The following MACROD2 variants were observed in gnomAD, a reference collection of about 807,000 sequenced individuals.
The protein encoded by MACROD2 is ADP-ribose glycohydrolase MACROD2.
Under a neutral mutation model 70.4 loss-of-function variants are expected in MACROD2, and 36 were observed. The observed-to-expected ratio is 0.51, with a 90% CI of 0.39 to 0.68. The LOEUF (loss-of-function observed/expected upper bound fraction) is 0.68. Ranked by LOEUF, MACROD2 falls within the 30% of genes least tolerant of loss-of-function variation. The probability of loss-of-function intolerance (pLI) is 0.00; values close to 1 mark genes in which losing one functional copy is unlikely to be tolerated. For missense variants in MACROD2, 496 were observed against 538.4 expected, an observed-to-expected ratio of 0.92 and a Z score of 0.78; for synonymous variants, 172 against 178.8, an observed-to-expected ratio of 0.96 and a Z score of 0.30.
intron 6 of MACROD2, among the ~76,000 whole-genome samples, chr20:15,364,531 T>C (rs1009326572): frequency 2.0e-5 from 3 of 152,204 alleles, no homozygotes; most frequent in African/African-American, 7.2e-5. Context: ...TCTTATTGAC[T>C]ATCTTTCCAT....
intron 5 of MACROD2, chr20:14,905,079 C>T (rs1600800010): frequency 6.6e-6 from 1 of 152,032 alleles, no homozygotes; most frequent in Non-Finnish European, 1.5e-5. Context: ...GAGTTTGCCA[C>T]CTGATTATGA....
intron 12 of MACROD2, among the ~76,000 whole-genome samples, chr20:15,953,794 T>C (rs2065939744): frequency 6.6e-6 from 1 of 152,166 alleles, no homozygotes; most frequent in East Asian, 1.9e-4. Flanking sequence ...TTTCATTATT[T>C]ACATCCTTAT....
At chr20:14,283,417 G>A (rs968431631) in intron 3 of MACROD2, among the ~76,000 whole-genome samples, 1 of 151,924 alleles carries the variant, frequency 6.6e-6, no homozygotes, top group Non-Finnish European at 1.5e-5. Context: ...GGAATATTAA[G>A]TGTCCACTCC....
intron 5 of MACROD2, among the ~76,000 whole-genome samples, chr20:14,926,131 G>A (rs1305788455): frequency 6.6e-6 from 1 of 152,156 alleles, no homozygotes; most frequent in African/African-American, 2.4e-5. Context: ...AGGCTGTCCT[G>A]TTGCCATCTT....
At chr20:15,418,065 C>T (rs1016606465) in intron 6 of MACROD2, among the ~76,000 whole-genome samples, 9 of 152,166 alleles carry the variant, frequency 5.9e-5, no homozygotes, top group East Asian at 3.9e-4. Flanking sequence ...GTCAAAGGAT[C>T]GGGGCTTCTG....
chr20:14,659,639 G>A (rs1318299695), intron 4 of MACROD2, among the ~76,000 whole-genome samples: 1 of 152,002 alleles, frequency 6.6e-6, no homozygotes, highest in African/African-American at 2.4e-5. Context: ...TTCTGTGTGG[G>A]CCTAAACACT....
chr20:15,694,565 TG>T (rs1170650545), intron 8 of MACROD2, among the ~76,000 whole-genome samples: 1 of 152,136 alleles, frequency 6.6e-6, no homozygotes, highest in Non-Finnish European at 1.5e-5. Flanking sequence ...ATGTGATGTT[TG>T]TTTTTTTTTC....
chr20:14,774,478 T>C (rs1037082402), intron 5 of MACROD2, among the ~76,000 whole-genome samples: 2 of 152,030 alleles, frequency 1.3e-5, no homozygotes, highest in African/African-American at 4.8e-5. Flanking sequence ...AACAGAGTCT[T>C]CTTGAATTCT....
At chr20:15,672,009 G>T (rs1231380649) in intron 8 of MACROD2, among the ~76,000 whole-genome samples, 2 of 152,138 alleles carry the variant, frequency 1.3e-5, no homozygotes, top group African/African-American at 4.8e-5. Flanking sequence ...TTAGTAACCT[G>T]AGTCTCTGAC....
chr20:15,126,048 A>G (rs1445749642), intron 5 of MACROD2, among the ~76,000 whole-genome samples: 1 of 149,366 alleles, frequency 6.7e-6, no homozygotes, highest in Non-Finnish European at 1.5e-5. Flanking sequence ...AATATTCCAT[A>G]GTATGGATAT....
intron 5 of MACROD2, among the ~76,000 whole-genome samples, chr20:15,037,572 G>A (rs993226514): frequency 3.3e-5 from 5 of 152,106 alleles, no homozygotes; most frequent in Non-Finnish European, 5.9e-5. Flanking sequence ...TCAGTGTATT[G>A]GAGATAGAGT....
intron 4 of MACROD2, among the ~76,000 whole-genome samples, chr20:14,537,626 G>A (rs2085381776): frequency 6.6e-6 from 1 of 152,148 alleles, no homozygotes; most frequent in African/African-American, 2.4e-5. Flanking sequence ...AGGACGTGAA[G>A]CAGGGCATCA....
chr20:14,123,977 T>C (rs563622837), intron 3 of MACROD2, among the ~76,000 whole-genome samples: 1 of 152,176 alleles, frequency 6.6e-6, no homozygotes, highest in East Asian at 1.9e-4. Context: ...TCTTCTTTCA[T>C]GTATGTTTAA....
At chr20:14,089,076 T>C (rs1037059736) in intron 3 of MACROD2, among the ~76,000 whole-genome samples, 4 of 152,196 alleles carry the variant, frequency 2.6e-5, no homozygotes, top group African/African-American at 9.7e-5. Context: ...AAGGGTATGA[T>C]GAATTTATAT....
intron 5 of MACROD2, among the ~76,000 whole-genome samples, chr20:14,804,348 G>C (rs1357451747): frequency 6.6e-6 from 1 of 151,936 alleles, no homozygotes; most frequent in Non-Finnish European, 1.5e-5. Context: ...TCTCTACTGG[G>C]TATTTTCTAG....
intron 3 of MACROD2, among the ~76,000 whole-genome samples, chr20:14,246,977 A>G (rs747269164): frequency 2.0e-5 from 3 of 152,132 alleles, no homozygotes; most frequent in African/African-American, 4.8e-5. Flanking sequence ...GAATTCCAGA[A>G]TATCCTTTTG....
At position 16,005,052 on chromosome 20, in the gene MACROD2, T is replaced by C. The variant is rs574390854; in HGVS notation, c.1153+17894T>C. Among the ~76,000 whole-genome samples, 36 of 152,274 alleles carry C rather than the reference T, an allele frequency of 2.4e-4. No homozygotes were observed. The South Asian group carries it at 4.8e-3, about 20-fold the overall frequency. On this transcript the variant is annotated intron_variant, in intron 15 of 17. Coordinates refer to ENST00000684519, the MANE Select transcript of MACROD2 (RefSeq NM_001351661.2). ...TCCTTATTTTGATGAACAGGATATA[T>C]GGGGGGAAAATGAAGATAAAAATTC...
At chr20:15,018,984 G>A (rs116946395) in intron 5 of MACROD2, among the ~76,000 whole-genome samples, 3,117 of 152,264 alleles carry the variant, frequency 0.02, 56 homozygotes, top group Non-Finnish European at 0.033. Flanking sequence ...TGTACAGCCT[G>A]CAGAATCATT....
chr20:15,042,747 T>C (rs1016338174), intron 5 of MACROD2, among the ~76,000 whole-genome samples: 6 of 152,168 alleles, frequency 3.9e-5, no homozygotes, highest in East Asian at 3.9e-4. Flanking sequence ...GAAATCTTAA[T>C]GATGAACTCT....
Sources: allele counts gnomAD v4.1 joint callset (sites outside exome capture counted in the v4.1 genomes callset), GRCh38; gene constraint gnomAD v4.1.1; transcripts MANE v1.5; gene names NCBI Gene and HGNC (gene_info 2026-07-23, HGNC 2026-07-21).